Variants in PXN observed in about 807,000 individuals in gnomAD.
PXN encodes the protein testicular tissue protein Li 134.
Under a neutral mutation model 103.6 loss-of-function variants are expected in PXN, and 61 were observed. The ratio of observed to expected loss-of-function variants is 0.59; its 90% CI spans 0.48 to 0.73. The LOEUF (loss-of-function observed/expected upper bound fraction) is 0.73, where lower values mean the gene tolerates loss of function less well. Ranked by LOEUF, PXN falls within the 30% of genes least tolerant of loss-of-function variation. The probability of loss-of-function intolerance (pLI) is 0.00; values close to 1 mark genes in which losing one functional copy is unlikely to be tolerated. For synonymous variants in PXN, 562 were observed against 607.8 expected, an observed-to-expected ratio of 0.92 and a Z score of 1.11; for missense variants, 1,274 against 1,460.3, an observed-to-expected ratio of 0.87 and a Z score of 2.08.
At chr12:120,241,714 T>TG (rs1890177038) in intron 1 of PXN, among the ~76,000 whole-genome samples, 1 of 152,086 alleles carries the variant, frequency 6.6e-6, no homozygotes, top group Admixed American at 6.5e-5. Context: ...ACAGAGGGGA[T>TG]GGGAGCTCAG....
intron 1 of PXN, among the ~76,000 whole-genome samples, chr12:120,258,481 C>A (rs1264048825): frequency 2.0e-5 from 3 of 152,174 alleles, no homozygotes; most frequent in African/African-American, 7.2e-5. Flanking sequence ...AGTCTTCCCA[C>A]CACCTGCTCA....
At chr12:120,233,434 G>A (rs1031009656) in intron 1 of PXN, among the ~76,000 whole-genome samples, 3 of 152,128 alleles carry the variant, frequency 2.0e-5, no homozygotes, top group African/African-American at 7.2e-5. Context: ...AGTCTCCCAA[G>A]TAGCTGGAAC....
rs2136169174 is a variant in PXN, at chr12:120,213,444, T to C, written c.2979+398A>G. Among the ~76,000 whole-genome samples, 1 of 152,342 alleles carries C rather than the reference T, an allele frequency of 6.6e-6. No individual in the cohort carries two copies. Among genetic ancestry groups the C allele is most frequent in the African/African-American group, 2.4e-5 (1 of 41,578 alleles). The stretch of plus-strand genomic sequence containing the variant: ...CAGGGAACAGTGTTTCCCAAACTCA[T>C]TTGGTCAGAGAGCCCTTGTTGAATC... On this transcript the variant is annotated intron_variant, in intron 14 of 14. Coordinates refer to ENST00000637617, the MANE Select transcript of PXN (RefSeq NM_001385981.1). The surrounding 1 kb of genome is among the most constrained non-coding windows in gnomAD (Gnocchi z 4.2).
chr12:120,233,569 G>T (rs1375977336), intron 1 of PXN, among the ~76,000 whole-genome samples: 1 of 152,192 alleles, frequency 6.6e-6, no homozygotes, highest in Non-Finnish European at 1.5e-5. Flanking sequence ...GCATTCCAAA[G>T]TGCTGGGATT....
At position 120,217,921 on chromosome 12, in the gene PXN, T is replaced by C. The variant is rs1230482425; in HGVS notation, c.1717-805A>G. 1.7e-5 allele frequency among the ~76,000 whole-genome samples: 2 copies of C among 121,124 alleles called. No homozygotes were observed. Among genetic ancestry groups the C allele is most frequent in the Non-Finnish European group, 3.6e-5 (2 of 55,448 alleles). The allele number at this position is 121,124 out of a possible 152,430, so 79.5% of individuals were successfully genotyped here. ...CTAGCCAGGAACTTTTTTAACTAGT[T>C]TTTTTTTTCTTATTTATATTATTAT... On this transcript the variant is annotated intron_variant, in intron 7 of 14. Transcript: ENST00000637617. This position sits in a 1 kb window ranked among gnomAD's most constrained non-coding sequence, Gnocchi z 4.1.
chr12:120,239,230 T>C (rs894028724), intron 1 of PXN, among the ~76,000 whole-genome samples: 5 of 152,038 alleles, frequency 3.3e-5, no homozygotes, highest in Non-Finnish European at 7.4e-5. Context: ...ACGGATCACC[T>C]GAGGTCAAGA....
Position 120,226,009 on chromosome 12 carries a change from C to T in PXN, c.14-1632G>A, listed in dbSNP as rs73415011. The stretch of plus-strand genomic sequence containing the variant: ...CCAAGGAAGTTCAGGTCCTACAGCC[C>T]GCCCCGCCCTCCGGGTCCCATGGAG... On this transcript the variant is annotated intron_variant, in intron 1 of 14. Coordinates refer to ENST00000637617, the MANE Select transcript of PXN (RefSeq NM_001385981.1). 2,910 of 1,060,622 alleles carry T rather than the reference C, an allele frequency of 2.7e-3. 56 individuals carry two copies. The African/African-American group carries it at 0.044, about 16-fold the overall frequency. 65.7% of individuals were successfully genotyped at this position (1,060,622 alleles called of 1,614,324 possible).
chr12:120,228,366 G>A lies in PXN; in HGVS notation c.14-3989C>T, dbSNP rs1222793196. On this transcript the variant is annotated intron_variant, in intron 1 of 14. Coordinates refer to ENST00000637617, the MANE Select transcript of PXN (RefSeq NM_001385981.1). The surrounding 1 kb of genome is among the most constrained non-coding windows in gnomAD (Gnocchi z 4.7). Reference sequence around the variant, plus strand: ...TTTCTGTCTCTCTGGGCCAGCGGAAGTATGCAACATGAGGAGGTAGGCCAG... The same window carrying A: ...TTTCTGTCTCTCTGGGCCAGCGGAAATATGCAACATGAGGAGGTAGGCCAG... Among the ~76,000 whole-genome samples, 1 of 152,218 alleles carries A rather than the reference G, an allele frequency of 6.6e-6. No homozygotes were observed. The highest frequency in any genetic ancestry group is 1.5e-5 in the Non-Finnish European group (1 of 68,028).
chr12:120,240,402 G>A (rs189528833), intron 1 of PXN, among the ~76,000 whole-genome samples: 1 of 152,274 alleles, frequency 6.6e-6, no homozygotes, highest in Admixed American at 6.5e-5. Context: ...TGTCAGTTAG[G>A]TAGTCTGACT....
rs757340049 is a variant in PXN, at chr12:120,217,043, C to T, written c.1790G>A (p.Arg597His). ...GCTCAAGGTGGCAGGGTCCAGCCGG[C>T]GGCGAGGGGAGGGCTCCCGGGACAT... ...HPMSREPSPR[R>H]RLDPATLSRT... The change falls in exon 8 of 15, where the codon CGC becomes CAC. Residue 597 changes from arginine to histidine, a missense_variant. Arg to His is a conservative substitution (Grantham distance 29, BLOSUM62 0). Coordinates refer to ENST00000637617, the MANE Select transcript of PXN (RefSeq NM_001385981.1). This position sits in a 1 kb window ranked among gnomAD's most constrained non-coding sequence, Gnocchi z 4.1. The T allele has an allele frequency of 3.7e-5, 58 of 1,588,992 alleles. No homozygotes were observed. Among genetic ancestry groups the T allele is most frequent in the Admixed American group, 2.7e-4 (16 of 58,760 alleles).
intron 1 of PXN, among the ~76,000 whole-genome samples, chr12:120,245,445 A>AT (rs1186790086): frequency 6.6e-6 from 1 of 151,898 alleles, no homozygotes; most frequent in African/African-American, 2.4e-5. Flanking sequence ...AAAAAAAAAA[A>AT]CAAAACAATG....
At chr12:120,231,545 T>TC (rs1370535189) in intron 1 of PXN, among the ~76,000 whole-genome samples, 1 of 152,066 alleles carries the variant, frequency 6.6e-6, no homozygotes. Flanking sequence ...CCAGGAGTCT[T>TC]CCAGTCAGCC....
chr12:120,222,969 A>C lies in PXN; in HGVS notation c.387T>G (p.Pro129=). 1 of 1,613,932 alleles carries C rather than the reference A, an allele frequency of 6.2e-7. No individual in the cohort carries two copies. Among genetic ancestry groups the C allele is most frequent in the Non-Finnish European group, 8.5e-7 (1 of 1,179,886 alleles). Reference sequence around the variant, plus strand: ...GGGACGTGCTCATTACGGTGGGTGAAGGCTCAGCTGATTTCTGCTTGTTGG... The same window carrying C: ...GGGACGTGCTCATTACGGTGGGTGACGGCTCAGCTGATTTCTGCTTGTTGG... ...SFPNKQKSAE[P]SPTVMSTSLG... The change falls in exon 4 of 15, where the codon CCT becomes CCG. Residue 129 remains proline, a synonymous_variant. Transcript: ENST00000637617. The surrounding 1 kb of genome is among the most constrained non-coding windows in gnomAD (Gnocchi z 4.7).
At position 120,221,681 on chromosome 12, in the gene PXN, G is replaced by A. The variant is rs778013682; in HGVS notation, c.773C>T (p.Ser258Leu). 8 of 1,565,774 alleles carry A rather than the reference G, an allele frequency of 5.1e-6. No homozygotes were observed. Among genetic ancestry groups the A allele is most frequent in the South Asian group, 1.2e-5 (1 of 84,970 alleles). ...VTSTQQQTRI[S>L]ASSATRELDE... ...CAGCTCCCTGGTGGCAGAGGAGGCC[G>A]AGATGCGTGTCTGCTGTTGGGTGGA... Residue 258 changes from serine (S) to leucine (L), a missense_variant, in exon 6 of 15, where the codon TCG (serine) becomes TTG (leucine). Physicochemically the swap from Ser to Leu is moderately radical, Grantham distance 145. Coordinates refer to ENST00000637617, the MANE Select transcript of PXN (RefSeq NM_001385981.1). This position sits in a 1 kb window ranked among gnomAD's most constrained non-coding sequence, Gnocchi z 6.6.
intron 1 of PXN, among the ~76,000 whole-genome samples, chr12:120,252,198 T>C (rs1303299624): frequency 6.6e-6 from 1 of 152,144 alleles, no homozygotes; most frequent in Non-Finnish European, 1.5e-5. Flanking sequence ...TCGCAGTTCA[T>C]ACCCATTTAA....
At position 120,216,575 on chromosome 12, in the gene PXN, A is replaced by G. The variant is rs1316194527; in HGVS notation, c.1999T>C (p.Phe667Leu). ...AGGGGAATGGGAGAGCCAGGAGGGA[A>G]GACAACCTGGGGAGAAGAAAGGAGG... ...AGGQLVEKVV[F>L]PPGSPIPLRR... Residue 667 changes from phenylalanine to leucine, a missense_variant, in exon 9 of 15, where the codon TTC (phenylalanine) becomes CTC (leucine). Phe to Leu is a conservative substitution (Grantham distance 22). This residue lies in a region of PXN where 1,178 missense variants were observed against 1,309.0 expected (regional missense o/e 0.90). Transcript: ENST00000637617. The surrounding 1 kb of genome is among the most constrained non-coding windows in gnomAD (Gnocchi z 5.1). 3 of 1,435,932 alleles carry G rather than the reference A, an allele frequency of 2.1e-6. No individual in the cohort carries two copies. In the East Asian group the frequency reaches 8.4e-5, roughly 40 times the overall value. 88.9% of individuals were successfully genotyped at this position (1,435,932 alleles called of 1,614,324 possible). A position where few individuals can be genotyped will look rare whatever the true frequency, so the allele number is the denominator to read the frequency against.
chr12:120,239,710 C>T (rs1042659645), intron 1 of PXN, among the ~76,000 whole-genome samples: 2 of 152,256 alleles, frequency 1.3e-5, no homozygotes, highest in East Asian at 1.9e-4. Context: ...GAGATCACAC[C>T]ACTGCACTCC....
intron 1 of PXN, among the ~76,000 whole-genome samples, chr12:120,242,560 C>A (rs541718647): frequency 5.3e-5 from 8 of 152,158 alleles, no homozygotes; most frequent in African/African-American, 9.7e-5. Context: ...GCCCCAGCCC[C>A]AGCTGACCAC....
At chr12:120,251,890 T>C (rs1203227552) in intron 1 of PXN, among the ~76,000 whole-genome samples, 1 of 151,670 alleles carries the variant, frequency 6.6e-6, no homozygotes, top group Non-Finnish European at 1.5e-5. Flanking sequence ...ACCCCAGGAG[T>C]TGTCAAGATT....
Sources: allele counts gnomAD v4.1 joint callset (sites outside exome capture counted in the v4.1 genomes callset), GRCh38; gene constraint gnomAD v4.1.1; regional missense constraint gnomAD v4.1.1; non-coding constraint Gnocchi (gnomAD v3.1); transcripts MANE v1.5; gene names NCBI Gene and HGNC (gene_info 2026-07-23, HGNC 2026-07-21).